Variants in FRMD4B observed in about 807,000 individuals in gnomAD.
FRMD4B encodes FERM domain-containing protein 4B.
Under a neutral mutation model 141.5 loss-of-function variants are expected in FRMD4B, and 74 were observed. That is an observed-to-expected ratio of 0.52 (90% CI 0.43 to 0.63). The LOEUF is 0.63. Among genes scored for constraint, FRMD4B ranks in the 30% least tolerant of loss-of-function variants. FRMD4B has a pLI of 0.00. For missense variants in FRMD4B, 1,366 were observed against 1,253.4 expected (o/e 1.09, Z -1.36); for synonymous variants, 506 against 467.9 (o/e 1.08, Z -1.05).
chr3:69,416,417 G>A (rs562844062), intron 2 of FRMD4B, among the ~76,000 whole-genome samples: 8 of 152,154 alleles, frequency 5.3e-5, no homozygotes, highest in Non-Finnish European at 1.0e-4. Flanking sequence ...AGTAGCTGGG[G>A]CTACAGGTGT....
chr3:69,520,049 CCATATAT>C (rs1294085729), intron 1 of FRMD4B, among the ~76,000 whole-genome samples: 2 of 79,160 alleles, frequency 2.5e-5, no homozygotes, highest in African/African-American at 7.6e-5. Flanking sequence ...TATATTCCAT[CCATATAT>C]ATATATGATG....
chr3:69,471,692 GT>G, intron 1 of FRMD4B: 1 of 169,992 alleles, frequency 5.9e-6, no homozygotes, highest in Non-Finnish European at 1.3e-5. Context: ...AATGAGCTCT[GT>G]TACATGTTTT....
intron 1 of FRMD4B, among the ~76,000 whole-genome samples, chr3:69,520,424 T>G (rs1273226530): frequency 6.8e-6 from 1 of 147,398 alleles, no homozygotes; most frequent in East Asian, 2.0e-4. Flanking sequence ...TTTTCTGTGA[T>G]ATATATATAT....
intron 1 of FRMD4B, among the ~76,000 whole-genome samples, chr3:69,487,616 T>A (rs1706235765): frequency 1.3e-5 from 2 of 152,224 alleles, no homozygotes; most frequent in African/African-American, 4.8e-5. Flanking sequence ...ATCTGCTTCC[T>A]CTTAGAAGAT....
At chr3:69,211,009 T>C (rs1397773684) in intron 11 of FRMD4B, among the ~76,000 whole-genome samples, 2 of 103,084 alleles carry the variant, frequency 1.9e-5, no homozygotes, top group Non-Finnish European at 3.6e-5. Context: ...CAAGAGTGAG[T>C]GAAATGCCAT....
intron 2 of FRMD4B, among the ~76,000 whole-genome samples, chr3:69,414,859 CTG>C: frequency 7.8e-6 from 1 of 128,038 alleles, no homozygotes. Flanking sequence ...AGCGAACAAG[CTG>C]TTTTTTTTTT....
In FRMD4B at chr3:69,514,749, G is replaced by A. The variant is rs190548527; in HGVS notation, c.-129+27457C>T. ...AAATGGAAAGACATTCTGTGTTCAC[G>A]AATTGAAAAACTTAATACTGTTAGG... On this transcript the variant is annotated intron_variant, in intron 1 of 5. Coordinates refer to the FRMD4B transcript ENST00000459638. Among the ~76,000 whole-genome samples, 226 of 151,828 alleles carry A rather than the reference G, an allele frequency of 1.5e-3. 1 individual carries two copies. The highest frequency in any genetic ancestry group is 5.2e-3 in the African/African-American group (214 of 41,420).
At chr3:69,500,674 C>T (rs1706479173) in intron 1 of FRMD4B, among the ~76,000 whole-genome samples, 1 of 152,030 alleles carries the variant, frequency 6.6e-6, no homozygotes, top group African/African-American at 2.4e-5. Flanking sequence ...AGAACTGGAA[C>T]CACAGAGAAG....
intron 1 of FRMD4B, among the ~76,000 whole-genome samples, chr3:69,446,677 CT>C (rs1559529762): frequency 6.6e-6 from 1 of 152,154 alleles, no homozygotes; most frequent in Non-Finnish European, 1.5e-5. Context: ...AATGTTCTCC[CT>C]CTACTCAGAG....
chr3:69,448,025 CTT>C (rs370262419), intron 1 of FRMD4B, among the ~76,000 whole-genome samples: 2 of 138,926 alleles, frequency 1.4e-5, no homozygotes, highest in African/African-American at 2.6e-5. Flanking sequence ...CAATACAAAT[CTT>C]TTTTTTTTTT....
intron 1 of FRMD4B, among the ~76,000 whole-genome samples, chr3:69,495,050 C>A (rs1301110450): frequency 6.6e-6 from 1 of 152,090 alleles, no homozygotes; most frequent in Non-Finnish European, 1.5e-5. Context: ...ATGTGTTTAG[C>A]ATTCTAAAAT....
chr3:69,232,438 C>T (rs2093314327), intron 7 of FRMD4B, among the ~76,000 whole-genome samples: 1 of 152,160 alleles, frequency 6.6e-6, no homozygotes, highest in Admixed American at 6.5e-5. Context: ...GATAACTTTC[C>T]AGAAGGAAGC....
Position 69,346,301 on chromosome 3 carries a change from A to C in FRMD4B, c.163-32784T>G, listed in dbSNP as rs143099707. On this transcript the variant is annotated intron_variant, in intron 1 of 22. Coordinates refer to ENST00000398540, the MANE Select transcript of FRMD4B (RefSeq NM_015123.3). ...AGAGAAAAAAGAGTAAAAAGAAATG[A>C]ACAAAGCCTCCAAGAAATATGGGAC... Among the ~76,000 whole-genome samples the C allele has an allele frequency of 9.4e-3, 1,438 of 152,248 alleles. 24 individuals are homozygous for C. The highest frequency in any genetic ancestry group is 0.033 in the African/African-American group (1,351 of 41,532).
At chr3:69,243,784 G>A (rs1191992255) in intron 7 of FRMD4B, among the ~76,000 whole-genome samples, 1 of 152,122 alleles carries the variant, frequency 6.6e-6, no homozygotes, top group East Asian at 1.9e-4. Flanking sequence ...GGTGGCTCAC[G>A]CTTGTAATCC....
intron 5 of FRMD4B, among the ~76,000 whole-genome samples, chr3:69,267,703 C>G (rs1393280733): frequency 6.9e-6 from 1 of 144,772 alleles, no homozygotes; most frequent in East Asian, 2.0e-4. Flanking sequence ...TCTGTCTGTC[C>G]CCCCAGTCTA....
chr3:69,358,309 G>C (rs574202215), intron 1 of FRMD4B, among the ~76,000 whole-genome samples: 4 of 152,192 alleles, frequency 2.6e-5, no homozygotes, highest in South Asian at 4.1e-4. Context: ...GCTTGGTTTA[G>C]TGTTCTGCTG....
chr3:69,483,387 C>T lies in FRMD4B; in HGVS notation c.-128-50626G>A, dbSNP rs545078305. ...TATTTTCCCTTATGAAGTGCTTACA[C>T]TGATGATAATAAAGATTATAATGAT... On this transcript the variant is annotated intron_variant, in intron 1 of 5. Transcript: ENST00000459638. Among the ~76,000 whole-genome samples, 10 of 152,290 alleles carry T rather than the reference C, an allele frequency of 6.6e-5. No homozygotes were observed. In the East Asian group the frequency reaches 1.9e-3, roughly 29 times the overall value.
intron 1 of FRMD4B, among the ~76,000 whole-genome samples, chr3:69,376,438 T>C (rs1242444086): frequency 6.6e-6 from 1 of 152,038 alleles, no homozygotes; most frequent in Non-Finnish European, 1.5e-5. Flanking sequence ...GCCTAGCATA[T>C]AGCAGCTGCT....
intron 1 of FRMD4B, among the ~76,000 whole-genome samples, chr3:69,504,944 C>T (rs2107077755): frequency 6.6e-6 from 1 of 152,322 alleles, no homozygotes; most frequent in African/African-American, 2.4e-5. Context: ...CTATCAACTA[C>T]AAAACTTTTC....
Sources: gnomAD v4.1 joint callset for allele counts (sites outside exome capture counted in the v4.1 genomes callset) on GRCh38, gnomAD v4.1.1 for gene constraint, MANE v1.5 for transcripts, NCBI Gene and HGNC (gene_info 2026-07-23, HGNC 2026-07-21) for gene names.